Variants in FRRS1 observed in about 807,000 individuals in gnomAD.
The protein encoded by FRRS1 is ferric chelate reductase 1.
In FRRS1, 51 loss-of-function variants were observed where a neutral mutation model predicts 70.7. The ratio of observed to expected loss-of-function variants is 0.72; its 90% CI spans 0.58 to 0.91. The LOEUF is 0.91. Among genes scored for constraint, FRRS1 ranks in the 40% least tolerant of loss-of-function variants. The pLI is 0.00. For missense variants in FRRS1, 672 were observed against 726.0 expected (o/e 0.93, Z 0.86); for synonymous variants, 225 against 238.7 (o/e 0.94, Z 0.53).
intron 1 of FRRS1, among the ~76,000 whole-genome samples, chr1:99,755,082 A>G (rs919831274): frequency 6.6e-6 from 1 of 152,052 alleles, no homozygotes; most frequent in African/African-American, 2.4e-5. Flanking sequence ...GAAAATAATA[A>G]TAATAATAAT....
chr1:99,751,989 T>C (rs1033157068), intron 1 of FRRS1, among the ~76,000 whole-genome samples: 3 of 152,224 alleles, frequency 2.0e-5, no homozygotes, highest in African/African-American at 7.2e-5. Context: ...ATATAAGGGA[T>C]GGTGAGATAG....
chr1:99,738,260 G>A lies in FRRS1; in HGVS notation c.585C>T (p.Ala195=). The change falls in exon 7 of 17, where the codon GCC becomes GCT. Residue 195 remains alanine, a synonymous_variant. Coordinates refer to ENST00000646001, the MANE Select transcript of FRRS1 (RefSeq NM_001361041.2). ...PVSHLTKPFS[A]SDCGNKKFCI... is the part of the protein sequence containing the mutation. ...AGAACTTCTTGTTCCCACAATCTGA[G>A]GCACTGAACTAGAAAAATGACAGAG... 6.3e-7 allele frequency: 1 copy of A among 1,588,856 alleles called. No homozygotes were observed. The highest frequency in any genetic ancestry group is 8.5e-7 in the Non-Finnish European group (1 of 1,170,000).
At chr1:99,735,298 A>C (rs1355972523) in intron 7 of FRRS1, among the ~76,000 whole-genome samples, 4 of 152,204 alleles carry the variant, frequency 2.6e-5, no homozygotes, top group Non-Finnish European at 4.4e-5. Context: ...ACACATTAGC[A>C]AGTCATTATT....
chr1:99,748,518 A>G, intron 3 of FRRS1, 55 bp downstream of exon 3: 1 of 1,277,738 alleles, frequency 7.8e-7, no homozygotes, highest in Non-Finnish European at 1.1e-6. Flanking sequence ...TAAAGATTCA[A>G]TAAACAGTAA....
At position 99,704,204 on chromosome 1, in the gene FRRS1, G is replaced by A. The variant is rs1307972920; in HGVS notation, c.*4824C>T. On this transcript the variant is annotated 3_prime_UTR_variant, in exon 17 of 17. Transcript: ENST00000646001. ...TACAGATGAAAGAATAGAGCCCAGGGAAGATAAGTGACTTACCCAAGGACA... is the reference window on the plus strand; with the variant it reads ...TACAGATGAAAGAATAGAGCCCAGGAAAGATAAGTGACTTACCCAAGGACA... 2.0e-5 allele frequency among the ~76,000 whole-genome samples: 3 copies of A among 152,164 alleles called. No individual in the cohort carries two copies. In the East Asian group the frequency reaches 5.8e-4, roughly 29 times the overall value.
At chr1:99,741,110 A>C (rs150192186) in intron 5 of FRRS1, among the ~76,000 whole-genome samples, 170 bp from the exon 6 acceptor site, 2 of 152,110 alleles carry the variant, frequency 1.3e-5, no homozygotes, top group African/African-American at 2.4e-5. Context: ...CTCCCACCCG[A>C]TCACTTGACA....
At chr1:99,717,647 A>T (rs1351644413) in intron 10 of FRRS1, 122 bp from the exon 11 acceptor site, 2 of 671,488 alleles carry the variant, frequency 3.0e-6, no homozygotes, top group Non-Finnish European at 5.4e-6. Context: ...TGACATAAGT[A>T]CAACCTAAAA....
chr1:99,749,856 G>C (rs1466092700), intron 1 of FRRS1, among the ~76,000 whole-genome samples: 1 of 152,230 alleles, frequency 6.6e-6, no homozygotes, highest in Non-Finnish European at 1.5e-5. Context: ...AACAAGGCTG[G>C]AGGTGATGAG....
chr1:99,738,190 A>G lies in FRRS1; in HGVS notation c.655T>C (p.Cys219Arg). 6.2e-7 allele frequency: 1 copy of G among 1,613,946 alleles called. No individual in the cohort carries two copies. Among genetic ancestry groups the G allele is most frequent in the South Asian group, 1.1e-5 (1 of 91,078 alleles). Residue 219 changes from cysteine to arginine, a missense_variant, in exon 7 of 17, where the codon TGT (cysteine) becomes CGT (arginine). Coordinates refer to ENST00000646001, the MANE Select transcript of FRRS1 (RefSeq NM_001361041.2). Reference protein sequence around the residue: ...LNCDPEKEASCVFLSFTRDDQ... With the variant: ...LNCDPEKEASRVFLSFTRDDQ... ...TCTCTTGTGAAGGACAAGAAGACAC[A>G]GGAAGCCTCCTTCTCTGGGTCACAG...
Position 99,741,065 on chromosome 1 carries a change from A to G in FRRS1, c.429-125T>C, listed in dbSNP as rs59016220. The G allele has an allele frequency of 1.0e-2, 8,854 of 889,840 alleles. 525 individuals are homozygous for G. In the African/African-American group the frequency reaches 0.13, roughly 13 times the overall value. The allele number at this position is 889,840 out of a possible 1,614,324, so 55.1% of individuals were successfully genotyped here. On this transcript the variant is annotated intron_variant, in intron 5 of 16. Coordinates refer to ENST00000646001, the MANE Select transcript of FRRS1 (RefSeq NM_001361041.2). ...ACATGACTTACTACCTAACAGGACT[A>G]TTAATTTTGCCTGAGGCAAATCTCT... is the stretch of plus-strand genomic sequence containing the variant.
At chr1:99,729,795 CATTTT>C (rs1161033654) in intron 7 of FRRS1, 47 bp from the exon 8 acceptor site, 3 of 1,270,580 alleles carry the variant, frequency 2.4e-6, no homozygotes, top group East Asian at 2.3e-5. Flanking sequence ...GGAATTTCAG[CATTTT>C]ATTTTCTCTT....
At chr1:99,743,128 CTACTT>C (rs1235164766) in intron 4 of FRRS1, among the ~76,000 whole-genome samples, 1 of 152,172 alleles carries the variant, frequency 6.6e-6, no homozygotes, top group East Asian at 1.9e-4. Context: ...ATTCTTCAAA[CTACTT>C]TACCTTTTAT....
chr1:99,742,892 T>C (rs954417456), intron 4 of FRRS1, among the ~76,000 whole-genome samples: 1 of 152,184 alleles, frequency 6.6e-6, no homozygotes, highest in Non-Finnish European at 1.5e-5. Context: ...GATGTGCTTA[T>C]ATGTAAAGTA....
intron 5 of FRRS1, among the ~76,000 whole-genome samples, chr1:99,741,395 T>A (rs577163806): frequency 6.6e-6 from 1 of 152,320 alleles, no homozygotes; most frequent in South Asian, 2.1e-4. Flanking sequence ...TCACATTCCA[T>A]CTAACATACC....
chr1:99,717,427 C>A lies in FRRS1; in HGVS notation c.1219G>T (p.Glu407Ter). The change falls in exon 11 of 17, where the codon GAA becomes TAA. Residue 407 changes from glutamate to a stop codon, truncating the protein, a stop_gained. Coordinates refer to ENST00000646001, the MANE Select transcript of FRRS1 (RefSeq NM_001361041.2). LOFTEE classifies it high-confidence loss of function. ...PVWSKAFLLG[E>*]AAWFQVHRML... The stretch of plus-strand genomic sequence containing the variant: ...TCACCTACCTGAAACCAAGCTGCTT[C>A]ACCAAGCAAGAAAGCTTTTGACCAA... 2 of 1,613,606 alleles carry A rather than the reference C, an allele frequency of 1.2e-6. No individual in the cohort carries two copies. The highest frequency in any genetic ancestry group is 1.7e-6 in the Non-Finnish European group (2 of 1,179,480).
intron 1 of FRRS1, among the ~76,000 whole-genome samples, chr1:99,755,485 A>G (rs1309490103): frequency 6.6e-6 from 1 of 152,102 alleles, no homozygotes; most frequent in Non-Finnish European, 1.5e-5. Flanking sequence ...TATTTAATCG[A>G]CTTCGCCATT....
chr1:99,757,500 C>G (rs1455459684), intron 1 of FRRS1, among the ~76,000 whole-genome samples: 1 of 152,110 alleles, frequency 6.6e-6, no homozygotes, highest in Non-Finnish European at 1.5e-5. Flanking sequence ...CATTTGTGAG[C>G]CTGAACAAAA....
chr1:99,752,843 T>C (rs140228260), intron 1 of FRRS1, among the ~76,000 whole-genome samples: 1 of 152,100 alleles, frequency 6.6e-6, no homozygotes, highest in East Asian at 1.9e-4. Flanking sequence ...GTTGGAAAAA[T>C]GGTGCCAACA....
intron 9 of FRRS1, 145 bp from the exon 10 acceptor site, chr1:99,719,792 T>A: frequency 1.7e-6 from 1 of 582,268 alleles, no homozygotes; most frequent in Non-Finnish European, 3.0e-6. Flanking sequence ...GTCATTCATA[T>A]GCAAAAGCAA....
Sources: allele counts gnomAD v4.1 joint callset (sites outside exome capture counted in the v4.1 genomes callset), GRCh38; gene constraint gnomAD v4.1.1; transcripts MANE v1.5; gene names NCBI Gene and HGNC (gene_info 2026-07-23, HGNC 2026-07-21).